Variants in BRCA1 observed in about 807,000 individuals in gnomAD.
BRCA1 encodes the protein breast cancer type 1 susceptibility protein.
Under a neutral mutation model 173.7 loss-of-function variants are expected in BRCA1, and 140 were observed. The observed-to-expected ratio is 0.81, with a 90% CI of 0.70 to 0.93. The LOEUF (loss-of-function observed/expected upper bound fraction) is 0.93, where lower values mean the gene tolerates loss of function less well. BRCA1 is among the 40% of genes least tolerant of loss of function. The pLI is 0.00. For missense variants in BRCA1, 1,983 were observed against 2,172.5 expected, an observed-to-expected ratio of 0.91 and a Z score of 1.73; for synonymous variants, 662 against 756.0, an observed-to-expected ratio of 0.88 and a Z score of 2.04.
chr17:43,054,441 ATGTTT>A (rs761274047), intron 19 of BRCA1, among the ~76,000 whole-genome samples: 1 of 152,090 alleles, frequency 6.6e-6, no homozygotes, highest in Non-Finnish European at 1.5e-5. Context: ...CAGTAGAAGG[ATGTTT>A]TGTTTTGTTT....
chr17:43,124,741 C>G lies in BRCA1; in HGVS notation c.-20+530G>C. The G allele has an allele frequency of 2.0e-5, 4 of 203,358 alleles. No individual in the cohort carries two copies. In the Admixed American group the frequency reaches 2.2e-4, roughly 11 times the overall value. 12.6% of individuals were successfully genotyped at this position (203,358 alleles called of 1,614,324 possible). A position where few individuals can be genotyped will look rare whatever the true frequency, so the allele number is the denominator to read the frequency against. ...GTCCCATCCTCTCATACATACCAGC[C>G]GGTGTTTTTTGTTTTGTTTTGTTTT... On this transcript the variant is annotated intron_variant, in intron 1 of 22. Transcript: ENST00000357654.
chr17:43,135,918 G>A (rs2056018007), intron 1 of BRCA1, among the ~76,000 whole-genome samples: 1 of 152,188 alleles, frequency 6.6e-6, no homozygotes, highest in African/African-American at 2.4e-5. Context: ...TCAGCACCCT[G>A]CTCACCTCCA....
At chr17:43,135,442 A>G in intron 1 of BRCA1, among the ~76,000 whole-genome samples, 1 of 152,238 alleles carries the variant, frequency 6.6e-6, no homozygotes, top group Non-Finnish European at 1.5e-5. Context: ...CTATAGGGCC[A>G]GTGGCTGCGA....
intron 6 of BRCA1, among the ~76,000 whole-genome samples, chr17:43,100,663 TATATATATATATATA>T (rs2054399829): frequency 1.0e-4 from 2 of 19,104 alleles, no homozygotes; most frequent in Admixed American, 1.8e-3. Flanking sequence ...ATAACATATA[TATATATATATATATA>T]ATATATATAT....
rs775477245 is a variant in BRCA1 at position 43,094,694 on chromosome 17, A to G, written c.837T>C (p.His279=). Residue 279 remains histidine (H), a synonymous_variant, in exon 10 of 23, where the codon CAT becomes CAC. Coordinates refer to ENST00000357654, the MANE Select transcript of BRCA1 (RefSeq NM_007294.4). ...LHVEPCGTNT[H]ASSLQHENSS... ...TGTTCTCATGCTGTAATGAGCTGGCATGAGTATTTGTGCCACATGGCTCCA... is the reference window on the plus strand; with the variant it reads ...TGTTCTCATGCTGTAATGAGCTGGCGTGAGTATTTGTGCCACATGGCTCCA... 4.3e-6 allele frequency: 7 copies of G among 1,613,362 alleles called. No individual in the cohort carries two copies. In the East Asian group the frequency reaches 1.6e-4, roughly 36 times the overall value.
intron 4 of BRCA1, among the ~76,000 whole-genome samples, chr17:43,105,487 C>A (rs2054722411): frequency 6.6e-6 from 1 of 152,168 alleles, no homozygotes; most frequent in African/African-American, 2.4e-5. Context: ...GCAATCATCC[C>A]ACCTCAGCCT....
intron 21 of BRCA1, among the ~76,000 whole-genome samples, chr17:43,048,133 C>G (rs956849285): frequency 1.3e-5 from 2 of 152,258 alleles, no homozygotes; most frequent in Middle Eastern, 6.8e-3. Context: ...CAGGCTCAAG[C>G]GATTCTCCCA....
chr17:43,052,915 C>T (rs1186768486), intron 19 of BRCA1, among the ~76,000 whole-genome samples: 3 of 145,946 alleles, frequency 2.1e-5, no homozygotes, highest in African/African-American at 5.2e-5. Context: ...CTTGCACTGT[C>T]GCCTGGGCTG....
chr17:43,126,923 C>T (rs2055895297), upstream of BRCA1, among the ~76,000 whole-genome samples: 1 of 152,146 alleles, frequency 6.6e-6, no homozygotes, highest in South Asian at 2.1e-4. Flanking sequence ...TCAGCGGGCC[C>T]CGCACCCCCG....
intron 22 of BRCA1, among the ~76,000 whole-genome samples, chr17:43,046,828 TG>T (rs1259295107): frequency 1.3e-5 from 2 of 151,270 alleles, no homozygotes; most frequent in Non-Finnish European, 2.9e-5. Flanking sequence ...GAGTGACTCC[TG>T]GTGACAGTGA....
At chr17:43,070,410 C>T (rs908324501) in intron 15 of BRCA1, among the ~76,000 whole-genome samples, 11 of 152,022 alleles carry the variant, frequency 7.2e-5, no homozygotes, top group Admixed American at 2.0e-4. Context: ...GCATTAAGGA[C>T]CCAAGGTGAT....
chr17:43,067,519 G>T (rs1422191805), intron 16 of BRCA1, 89 bp downstream of exon 16: 1 of 1,082,018 alleles, frequency 9.2e-7, no homozygotes, highest in Non-Finnish European at 1.4e-6. Flanking sequence ...CTCCCAAAGT[G>T]CTGCGATTAC....
At chr17:43,078,425 G>C (rs1224512091) in intron 12 of BRCA1, among the ~76,000 whole-genome samples, 1 of 152,146 alleles carries the variant, frequency 6.6e-6, no homozygotes, top group Non-Finnish European at 1.5e-5. Flanking sequence ...TCCTGCCTTG[G>C]CATCTCACAG....
upstream of BRCA1, among the ~76,000 whole-genome samples, chr17:43,127,190 G>A (rs2154581196): frequency 6.6e-6 from 1 of 152,358 alleles, no homozygotes; most frequent in East Asian, 1.9e-4. Context: ...GACTGCCCAA[G>A]GGCTGAGAGG....
intron 16 of BRCA1, among the ~76,000 whole-genome samples, chr17:43,066,294 T>A (rs901675977): frequency 4.6e-5 from 7 of 152,190 alleles, no homozygotes; most frequent in Non-Finnish European, 7.3e-5. Flanking sequence ...TTTTTTGCTT[T>A]TTCATATGTT....
chr17:43,095,645 T>TA (rs2054100212), intron 9 of BRCA1, among the ~76,000 whole-genome samples: 1 of 151,588 alleles, frequency 6.6e-6, no homozygotes, highest in Non-Finnish European at 1.5e-5. Flanking sequence ...ACAGAAGGTC[T>TA]TATTATAGGT....
rs2154446945 is a variant in BRCA1, at chr17:43,094,111, A to G, written c.1420T>C (p.Leu474=). Residue 474 remains leucine (L), a synonymous_variant, in exon 10 of 23, where the codon TTA becomes CTA. Coordinates refer to ENST00000357654, the MANE Select transcript of BRCA1 (RefSeq NM_007294.4). ...TYRKKASLPN[L]SHVTENLIIG... is the part of the protein sequence containing the mutation. Reference sequence around the variant, plus strand: ...ATTAGATTTTCAGTTACATGGCTTAAGTTGGGGAGGCTTGCCTTCTTCCGA... The same window carrying G: ...ATTAGATTTTCAGTTACATGGCTTAGGTTGGGGAGGCTTGCCTTCTTCCGA... 6.2e-7 allele frequency: 1 copy of G among 1,614,092 alleles called. No individual in the cohort carries two copies. Among genetic ancestry groups the G allele is most frequent in the Non-Finnish European group, 8.5e-7 (1 of 1,180,004 alleles).
intron 1 of BRCA1, among the ~76,000 whole-genome samples, chr17:43,134,877 C>T (rs1346309524): frequency 6.6e-6 from 1 of 152,224 alleles, no homozygotes; most frequent in Non-Finnish European, 1.5e-5. Context: ...ACTTTCCTAA[C>T]CCAGAGAGGC....
chr17:43,089,896 A>G (rs1017534576), intron 11 of BRCA1, among the ~76,000 whole-genome samples: 6 of 151,392 alleles, frequency 4.0e-5, no homozygotes, highest in African/African-American at 1.5e-4. Context: ...GGTCCCAGCT[A>G]CTCGGGAAGC....
Sources: allele counts gnomAD v4.1 joint callset (sites outside exome capture counted in the v4.1 genomes callset), GRCh38; gene constraint gnomAD v4.1.1; transcripts MANE v1.5; gene names NCBI Gene and HGNC (gene_info 2026-07-23, HGNC 2026-07-21).